FBXL17: variants seen among roughly 807,000 people sequenced by gnomAD.
The protein encoded by FBXL17 is F-box and leucine rich repeat protein 17.
In FBXL17, 22 loss-of-function variants were observed where a neutral mutation model predicts 66.2. That is an observed-to-expected ratio of 0.33 (90% CI 0.24 to 0.47). The LOEUF (loss-of-function observed/expected upper bound fraction) is 0.47. Ranked by LOEUF, FBXL17 falls within the 20% of genes least tolerant of loss-of-function variation. The probability of loss-of-function intolerance (pLI) is 1.00; values close to 1 mark genes in which losing one functional copy is unlikely to be tolerated. For synonymous variants in FBXL17, 474 were observed against 400.5 expected, an observed-to-expected ratio of 1.18 and a Z score of -2.19; for missense variants, 878 against 948.2, an observed-to-expected ratio of 0.93 and a Z score of 0.97.
At chr5:108,182,722 G>A (rs1233436958) in intron 6 of FBXL17, among the ~76,000 whole-genome samples, 1 of 152,098 alleles carries the variant, frequency 6.6e-6, no homozygotes, top group Non-Finnish European at 1.5e-5. Context: ...ATAGCACAAG[G>A]TTTGAGTACA....
intron 1 of FBXL17, among the ~76,000 whole-genome samples, chr5:108,371,456 A>T (rs147809895): frequency 5.9e-4 from 90 of 152,354 alleles, no homozygotes; most frequent in Non-Finnish European, 1.2e-3. Flanking sequence ...GTATACAACT[A>T]TGTGCCAATA....
intron 7 of FBXL17, among the ~76,000 whole-genome samples, chr5:107,883,128 C>T (rs962120583): frequency 2.0e-5 from 3 of 152,228 alleles, no homozygotes; most frequent in African/African-American, 7.2e-5. Flanking sequence ...CCAACATCTA[C>T]TGACTACGTT....
intron 3 of FBXL17, among the ~76,000 whole-genome samples, chr5:108,356,985 A>G (rs960163921): frequency 3.9e-5 from 6 of 152,174 alleles, no homozygotes; most frequent in African/African-American, 1.4e-4. Context: ...CTCCTCTTTT[A>G]AAGGCTTTTA....
At chr5:107,966,581 T>G (rs1004128462) in intron 7 of FBXL17, among the ~76,000 whole-genome samples, 1 of 152,158 alleles carries the variant, frequency 6.6e-6, no homozygotes, top group Non-Finnish European at 1.5e-5. Flanking sequence ...GGAGGTAAAC[T>G]GGGTAGCTGC....
intron 7 of FBXL17, among the ~76,000 whole-genome samples, chr5:107,917,963 T>C (rs1392837659): frequency 6.6e-6 from 1 of 152,140 alleles, no homozygotes; most frequent in East Asian, 1.9e-4. Context: ...GACTGAGAAA[T>C]AATGGTTTAA....
At position 108,226,573 on chromosome 5, in the gene FBXL17, A is replaced by G. The variant is rs149873453; in HGVS notation, c.1507-2345T>C. On this transcript the variant is annotated intron_variant, in intron 4 of 8. Transcript: ENST00000542267. ...TGATCTGTACCATGGTTAATTTTCT[A>G]TATCAACTTGACTATGCCATGGGGT... Among the ~76,000 whole-genome samples the G allele has an allele frequency of 1.2e-3, 178 of 152,246 alleles. No homozygotes were observed. The Middle Eastern group carries it at 0.017, about 15-fold the overall frequency.
At chr5:108,249,461 T>A (rs1361930685) in intron 4 of FBXL17, among the ~76,000 whole-genome samples, 2 of 152,134 alleles carry the variant, frequency 1.3e-5, no homozygotes, top group African/African-American at 2.4e-5. Context: ...ACATATTAAT[T>A]TATAGAAACA....
intron 7 of FBXL17, among the ~76,000 whole-genome samples, chr5:107,889,410 G>C (rs1335291513): frequency 6.6e-6 from 1 of 152,118 alleles, no homozygotes; most frequent in African/African-American, 2.4e-5. Context: ...TGAAAATCAA[G>C]TGGAAAAACA....
In FBXL17 at chr5:108,382,020, G is replaced by A. The variant is rs930820344; in HGVS notation, c.-329C>T. On this transcript the variant is annotated 5_prime_UTR_variant, in exon 1 of 9. Coordinates refer to ENST00000542267, the MANE Select transcript of FBXL17 (RefSeq NM_001163315.3). ...GGCCAGCCGGCTCAGTCAGTCAGCG[G>A]AGCGGCCGGGGAAAGGCCGGGTCCC... 3 of 1,100,198 alleles carry A rather than the reference G, an allele frequency of 2.7e-6. No individual in the cohort carries two copies. Among genetic ancestry groups the A allele is most frequent in the Admixed American group, 9.8e-5 (2 of 20,458 alleles). 68.2% of individuals were successfully genotyped at this position (1,100,198 alleles called of 1,614,324 possible).
intron 1 of FBXL17, among the ~76,000 whole-genome samples, chr5:108,375,120 A>G (rs1749330825): frequency 6.6e-6 from 1 of 152,160 alleles, no homozygotes; most frequent in Non-Finnish European, 1.5e-5. Flanking sequence ...TTGGGAAGCC[A>G]AAGTGGGAGG....
At chr5:108,255,167 C>T (rs1282213188) in intron 4 of FBXL17, among the ~76,000 whole-genome samples, 5 of 152,018 alleles carry the variant, frequency 3.3e-5, no homozygotes, top group Non-Finnish European at 5.9e-5. Context: ...TAATAAAATA[C>T]ATTTTTTGCA....
chr5:108,059,107 A>C (rs1321090127), intron 6 of FBXL17, among the ~76,000 whole-genome samples: 3 of 152,212 alleles, frequency 2.0e-5, no homozygotes, highest in Non-Finnish European at 4.4e-5. Context: ...TCCCAAGTAT[A>C]AGACCTATTA....
chr5:108,211,156 G>T (rs1435911686), intron 5 of FBXL17, among the ~76,000 whole-genome samples: 3 of 151,106 alleles, frequency 2.0e-5, no homozygotes, highest in African/African-American at 4.9e-5. Flanking sequence ...TTTTTGTTTT[G>T]GTTTTCCATT....
In FBXL17 at chr5:107,975,861, T is replaced by TGG. The variant is rs1287767786; in HGVS notation, c.1822+45063_1822+45064insCC. On this transcript the variant is annotated intron_variant, in intron 7 of 8. Transcript: ENST00000542267. ...TAGAGGGTTTTTGTTGTTGTTGTTT[T>TGG]TTTTTTTTTTTTTTTTGAAACGGGG... Among the ~76,000 whole-genome samples the TGG allele has an allele frequency of 7.6e-3, 505 of 66,726 alleles. 7 individuals carry two copies. The highest frequency in any genetic ancestry group is 0.012 in the South Asian group (22 of 1,812). The allele number at this position is 66,726 out of a possible 152,430, so 43.8% of individuals were successfully genotyped here.
At chr5:108,078,171 A>C (rs1748627421) in intron 6 of FBXL17, among the ~76,000 whole-genome samples, 1 of 152,212 alleles carries the variant, frequency 6.6e-6, no homozygotes, top group South Asian at 2.1e-4. Context: ...CTGCAATGCC[A>C]CCACATGGGC....
chr5:108,184,081 G>T (rs1753122424), intron 6 of FBXL17, among the ~76,000 whole-genome samples: 1 of 152,088 alleles, frequency 6.6e-6, no homozygotes. Context: ...TGGGGAAAAT[G>T]GAGTCTACAT....
At chr5:107,977,908 C>T (rs1000278799) in intron 7 of FBXL17, among the ~76,000 whole-genome samples, 2 of 152,282 alleles carry the variant, frequency 1.3e-5, no homozygotes, top group South Asian at 2.1e-4. Flanking sequence ...TCAGCTGCAG[C>T]TCTCTGGGCA....
intron 6 of FBXL17, among the ~76,000 whole-genome samples, chr5:108,147,299 A>G (rs886233968): frequency 6.6e-6 from 1 of 152,190 alleles, no homozygotes; most frequent in African/African-American, 2.4e-5. Context: ...CTCCTTTGCT[A>G]TCTCCTCTCT....
intron 4 of FBXL17, among the ~76,000 whole-genome samples, chr5:108,333,537 T>C (rs1561534998): frequency 6.6e-6 from 1 of 152,180 alleles, no homozygotes; most frequent in Non-Finnish European, 1.5e-5. Flanking sequence ...TGTGGCAGTA[T>C]TTAAAATATC....
Sources: gnomAD v4.1 joint callset for allele counts (sites outside exome capture counted in the v4.1 genomes callset) on GRCh38, gnomAD v4.1.1 for gene constraint, MANE v1.5 for transcripts, NCBI Gene and HGNC (gene_info 2026-07-23, HGNC 2026-07-21) for gene names.